The following INTS9 variants were observed in gnomAD, a reference collection of about 807,000 sequenced individuals.
INTS9 encodes integrator complex subunit 9.
In INTS9, 55 loss-of-function variants were observed where a neutral mutation model predicts 79.7. That is an observed-to-expected ratio of 0.69 (90% CI 0.56 to 0.86). INTS9 has a LOEUF of 0.86. Ranked by LOEUF, INTS9 falls within the 40% of genes least tolerant of loss-of-function variation. The pLI is 0.00. For synonymous variants in INTS9, 319 were observed against 325.2 expected, an observed-to-expected ratio of 0.98 and a Z score of 0.20; for missense variants, 721 against 831.5, an observed-to-expected ratio of 0.87 and a Z score of 1.64.
chr8:28,833,672 G>GAAAAAGAAAAAA (rs1324622316), intron 6 of INTS9, among the ~76,000 whole-genome samples: 1 of 145,496 alleles, frequency 6.9e-6, no homozygotes. Flanking sequence ...AAAAGAAAAA[G>GAAAAAGAAAAAA]AAAAAGAAAA....
intron 1 of INTS9, among the ~76,000 whole-genome samples, chr8:28,887,019 T>G (rs1295463096): frequency 3.3e-5 from 5 of 152,208 alleles, no homozygotes; most frequent in Non-Finnish European, 7.3e-5. Context: ...ATTTACCAAT[T>G]ATTTACACAG....
chr8:28,804,498 C>G (rs1370580376), intron 8 of INTS9, among the ~76,000 whole-genome samples: 2 of 151,412 alleles, frequency 1.3e-5, no homozygotes, highest in East Asian at 2.0e-4. Context: ...AATGCCAGAA[C>G]AGTGGGATGA....
intron 1 of INTS9, among the ~76,000 whole-genome samples, chr8:28,878,657 C>CAA (rs1809527591): frequency 1.5e-5 from 2 of 136,348 alleles, no homozygotes; most frequent in East Asian, 4.7e-4. Flanking sequence ...AAAAACAAAA[C>CAA]AAAAAACTCT....
chr8:28,821,829 G>A (rs1423563718), intron 6 of INTS9, among the ~76,000 whole-genome samples: 3 of 151,728 alleles, frequency 2.0e-5, no homozygotes, highest in Non-Finnish European at 4.4e-5. Context: ...GAGTGCAGTG[G>A]CATAATCACA....
chr8:28,867,912 C>T (rs1293938223), intron 1 of INTS9, among the ~76,000 whole-genome samples: 1 of 152,040 alleles, frequency 6.6e-6, no homozygotes, highest in Non-Finnish European at 1.5e-5. Context: ...GAATCATTTT[C>T]TCATTTTACA....
At chr8:28,786,918 T>C (rs570863912) in intron 11 of INTS9, among the ~76,000 whole-genome samples, 20 of 152,112 alleles carry the variant, frequency 1.3e-4, no homozygotes, top group East Asian at 3.9e-4. Context: ...GGGGTTTCAC[T>C]GTGTTAGCCA....
intron 12 of INTS9, among the ~76,000 whole-genome samples, chr8:28,779,652 G>A (rs984940856): frequency 1.8e-4 from 27 of 152,122 alleles, no homozygotes; most frequent in African/African-American, 5.8e-4. Context: ...TCACCTCCGC[G>A]AACACCTGCG....
intron 6 of INTS9, among the ~76,000 whole-genome samples, chr8:28,829,739 AC>A (rs1806360252): frequency 6.6e-6 from 1 of 152,234 alleles, no homozygotes; most frequent in South Asian, 2.1e-4. Flanking sequence ...TCTAAGAGCT[AC>A]TTTGCTCAGA....
At position 28,812,357 on chromosome 8, in the gene INTS9, A is replaced by G; in HGVS notation, c.714T>C (p.Ser238=). The G allele has an allele frequency of 6.2e-7, 1 of 1,614,134 alleles. No individual in the cohort carries two copies. The highest frequency in any genetic ancestry group is 8.5e-7 in the Non-Finnish European group (1 of 1,179,974). ...QSHYEKVSYV[S]GSSLLTTHPQ... Reference sequence around the variant, plus strand: ...GGTGTGTGGTAAGCAAGGAGGATCCAGAGACATAAGACACTTTCTCGTAAT... The same window carrying G: ...GGTGTGTGGTAAGCAAGGAGGATCCGGAGACATAAGACACTTTCTCGTAAT... Residue 238 remains serine, a synonymous_variant, in exon 8 of 17, where the codon TCT becomes TCC. Transcript: ENST00000521022.
At chr8:28,835,027 G>C (rs374596556) in intron 6 of INTS9, among the ~76,000 whole-genome samples, 1 of 152,132 alleles carries the variant, frequency 6.6e-6, no homozygotes, top group Non-Finnish European at 1.5e-5. Flanking sequence ...CTGACCTGTT[G>C]AGTTATCTGA....
intron 5 of INTS9, 86 bp from the exon 6 acceptor site, chr8:28,835,464 CT>C: frequency 1.3e-6 from 1 of 753,802 alleles, no homozygotes; most frequent in Non-Finnish European, 2.2e-6. Flanking sequence ...GGAGAAATGA[CT>C]TGCCCACCTC....
intron 16 of INTS9, 53 bp from the exon 17 acceptor site, chr8:28,768,375 A>T: frequency 6.5e-7 from 1 of 1,534,296 alleles, no homozygotes. Flanking sequence ...CATCTGTGAG[A>T]TCTGTAAATG....
intron 1 of INTS9, among the ~76,000 whole-genome samples, chr8:28,867,351 G>A (rs1224496175): frequency 1.3e-5 from 2 of 151,830 alleles, no homozygotes; most frequent in Non-Finnish European, 2.9e-5. Context: ...CCCAGGAGGC[G>A]GAGGTTGCAG....
intron 8 of INTS9, among the ~76,000 whole-genome samples, chr8:28,797,702 A>C (rs1804302027): frequency 6.6e-6 from 1 of 152,220 alleles, no homozygotes; most frequent in African/African-American, 2.4e-5. Flanking sequence ...GAAGCTGGAG[A>C]GCTCACAGGA....
At chr8:28,787,529 T>C (rs945653749) in intron 11 of INTS9, among the ~76,000 whole-genome samples, 12 of 152,188 alleles carry the variant, frequency 7.9e-5, no homozygotes, top group African/African-American at 2.7e-4. Context: ...GCATTTTGAT[T>C]TCAGACTTTC....
chr8:28,774,728 A>C (rs185740951), intron 14 of INTS9, among the ~76,000 whole-genome samples: 34 of 152,214 alleles, frequency 2.2e-4, no homozygotes, highest in Admixed American at 1.5e-3. Context: ...TTTAACAATA[A>C]GTTTTTATAT....
chr8:28,769,700 G>A (rs141814471), intron 16 of INTS9, 189 bp downstream of exon 16: 61 of 667,770 alleles, frequency 9.1e-5, no homozygotes, highest in South Asian at 7.8e-4. Flanking sequence ...GAGGAAGGAT[G>A]GGGCACTCCT....
rs1401668874 is a variant in INTS9 at position 28,813,471 on chromosome 8, A to C, written c.609+21T>G. ...AATGGAAAGCATTCATGAATAACTG[A>C]AATGTAATATGAATACTCACAATTT... On this transcript the variant is annotated intron_variant, in intron 7 of 16. Transcript: ENST00000521022. 3.7e-6 allele frequency: 6 copies of C among 1,607,998 alleles called. No individual in the cohort carries two copies. The African/African-American group carries it at 4.0e-5, about 11-fold the overall frequency.
intron 1 of INTS9, among the ~76,000 whole-genome samples, chr8:28,874,916 TACAGTTCC>T (rs1272727995): frequency 6.6e-6 from 1 of 152,186 alleles, no homozygotes; most frequent in Non-Finnish European, 1.5e-5. Flanking sequence ...AAAGAGGACT[TACAGTTCC>T]ACGTGGCTGG....
Sources: allele counts gnomAD v4.1 joint callset (sites outside exome capture counted in the v4.1 genomes callset), GRCh38; gene constraint gnomAD v4.1.1; transcripts MANE v1.5; gene names NCBI Gene and HGNC (gene_info 2026-07-23, HGNC 2026-07-21).